Variants in DMD observed in about 807,000 individuals in gnomAD.
DMD encodes mutant dystrophin.
In DMD, 63 loss-of-function variants were observed where a neutral mutation model predicts 330.1. That is an observed-to-expected ratio of 0.19 (90% CI 0.16 to 0.24). The LOEUF (loss-of-function observed/expected upper bound fraction) is 0.24. DMD is among the 10% of genes least tolerant of loss of function. The pLI, the probability that DMD is intolerant of heterozygous loss-of-function variation, is 1.00. For synonymous variants in DMD, 1,223 were observed against 959.8 expected (o/e 1.27, Z -5.07); for missense variants, 3,344 against 2,684.1 (o/e 1.25, Z -5.43).
intron 50 of DMD, among the ~76,000 whole-genome samples, chrX:31,783,491 G>A (rs1261544314): frequency 9.0e-6 from 1 of 111,305 alleles, no homozygotes; most frequent in East Asian, 2.8e-4. Flanking sequence ...TCCACCAGAG[G>A]AGATGATAAG....
intron 45 of DMD, among the ~76,000 whole-genome samples, chrX:31,965,353 A>T (rs1017809102): frequency 1.8e-5 from 2 of 111,527 alleles, no homozygotes; most frequent in African/African-American, 6.5e-5. Context: ...TAATGTTTTA[A>T]AGCCCAACAA....
chrX:32,651,216 C>A (rs1602532794), intron 9 of DMD, among the ~76,000 whole-genome samples: 1 of 108,516 alleles, frequency 9.2e-6, no homozygotes, highest in Admixed American at 9.9e-5. Context: ...GATCTCGGCT[C>A]ACTGCAGCCT....
intron 60 of DMD, among the ~76,000 whole-genome samples, chrX:31,427,376 G>A (rs1401496651): frequency 1.8e-5 from 2 of 111,284 alleles, no homozygotes; most frequent in African/African-American, 6.5e-5. Context: ...TATCATTTCT[G>A]GGGGGCTCAC....
At chrX:33,063,470 T>A (rs1391429087) in intron 1 of DMD, among the ~76,000 whole-genome samples, 1 of 111,769 alleles carries the variant, frequency 8.9e-6, no homozygotes, top group Non-Finnish European at 1.9e-5. Context: ...ATAATAATTA[T>A]AATTTTTCCT....
chrX:31,843,492 G>A (rs2093354140), intron 48 of DMD, among the ~76,000 whole-genome samples: 1 of 111,808 alleles, frequency 8.9e-6, no homozygotes, highest in African/African-American at 3.3e-5. Flanking sequence ...TTTCATATCT[G>A]TTAGCCACCC....
chrX:31,310,540 T>C (rs2055423439), intron 62 of DMD, among the ~76,000 whole-genome samples: 1 of 101,774 alleles, frequency 9.8e-6, no homozygotes, highest in African/African-American at 3.4e-5. Flanking sequence ...TTTCTTTTCT[T>C]TCTTCTTTTT....
intron 7 of DMD, among the ~76,000 whole-genome samples, chrX:32,763,112 A>G (rs747521763): frequency 2.1e-4 from 23 of 111,844 alleles, no homozygotes; most frequent in Admixed American, 9.5e-4. Flanking sequence ...GCTTTTTTCA[A>G]TTAAAACGTA....
At chrX:31,233,982 G>T (rs111943838) in intron 63 of DMD, among the ~76,000 whole-genome samples, 68 of 111,811 alleles carry the variant, frequency 6.1e-4, no homozygotes, top group African/African-American at 2.1e-3. Context: ...AAAATCTGGT[G>T]ATTTCCCGTT....
chrX:32,492,098 G>A (rs1005320774), intron 19 of DMD, among the ~76,000 whole-genome samples: 2 of 112,019 alleles, frequency 1.8e-5, no homozygotes, highest in Non-Finnish European at 3.8e-5. Flanking sequence ...CCAACACTTT[G>A]GGAGGCCGAG....
chrX:33,115,724 C>A (rs1347040916), intron 1 of DMD, among the ~76,000 whole-genome samples: 1 of 108,853 alleles, frequency 9.2e-6, no homozygotes, highest in Non-Finnish European at 1.9e-5. Context: ...ACTGTGTTAG[C>A]CAGGATGGTC....
chrX:32,777,859 C>G (rs778025600), intron 7 of DMD, among the ~76,000 whole-genome samples: 3 of 112,355 alleles, frequency 2.7e-5, no homozygotes, highest in Non-Finnish European at 5.6e-5. Flanking sequence ...CATTCTTATG[C>G]CCTGTGCACA....
chrX:33,131,175 G>C (rs373301979), intron 1 of DMD, among the ~76,000 whole-genome samples: 3 of 110,681 alleles, frequency 2.7e-5, no homozygotes, highest in Middle Eastern at 4.6e-3. Flanking sequence ...TTTCCAATAA[G>C]TTCCCTGGGG....
chrX:32,252,785 TATATATAA>T (rs2097276366), intron 43 of DMD, among the ~76,000 whole-genome samples: 1 of 41,309 alleles, frequency 2.4e-5, no homozygotes, highest in East Asian at 5.6e-4. Flanking sequence ...TATATATAAA[TATATATAA>T]ATATATATAT....
intron 1 of DMD, among the ~76,000 whole-genome samples, chrX:33,139,470 A>T (rs2047678571): frequency 9.0e-6 from 1 of 110,996 alleles, no homozygotes; most frequent in African/African-American, 3.3e-5. Context: ...ACCTGCCATC[A>T]CGCCCGGTTA....
intron 64 of DMD, among the ~76,000 whole-genome samples, chrX:31,217,037 C>T (rs937178924): frequency 2.7e-5 from 3 of 112,114 alleles, no homozygotes; most frequent in African/African-American, 9.7e-5. Context: ...ACTAAATACA[C>T]TTGCTTTGTT....
intron 44 of DMD, among the ~76,000 whole-genome samples, chrX:32,049,411 A>C (rs1345136813): frequency 2.7e-5 from 3 of 111,803 alleles, no homozygotes; most frequent in African/African-American, 9.7e-5. Flanking sequence ...TGAGGTAAGT[A>C]GGAATAAGTG....
chrX:32,802,786 G>A (rs181902709), intron 7 of DMD, among the ~76,000 whole-genome samples: 79 of 112,043 alleles, frequency 7.1e-4, no homozygotes, highest in African/African-American at 2.3e-3. Context: ...GTTGGTTTCT[G>A]TATGTTAAAC....
At chrX:32,076,086 A>AAAAGAG (rs2096346527) in intron 44 of DMD, among the ~76,000 whole-genome samples, 1 of 82,314 alleles carries the variant, frequency 1.2e-5, no homozygotes, top group Non-Finnish European at 2.2e-5. Flanking sequence ...AAAAAAAAAA[A>AAAAGAG]AGAGAGAGAG....
intron 45 of DMD, among the ~76,000 whole-genome samples, chrX:31,949,890 C>CT (rs202022663): frequency 0.084 from 8,712 of 104,163 alleles, 574 homozygotes; most frequent in African/African-American, 0.22. Context: ...TTTGGTAATT[C>CT]TTTTTTTTTT....
Sources: gnomAD v4.1 joint callset for allele counts (sites outside exome capture counted in the v4.1 genomes callset) on GRCh38, gnomAD v4.1.1 for gene constraint, MANE v1.5 for transcripts, NCBI Gene and HGNC (gene_info 2026-07-23, HGNC 2026-07-21) for gene names.